Variants in ZMIZ1 observed in about 807,000 individuals in gnomAD.
ZMIZ1 encodes the protein zinc finger MIZ-type containing 1, also known as zinc finger MIZ domain-containing protein 1.
ZMIZ1 carries 17 observed loss-of-function variants against 113.9 expected under a neutral mutation model. The ratio of observed to expected loss-of-function variants is 0.15; its 90% confidence interval spans 0.10 to 0.22. ZMIZ1 has a LOEUF of 0.22. Ranked by LOEUF, ZMIZ1 falls within the 10% of genes least tolerant of loss-of-function variation. The pLI is 1.00. For synonymous variants in ZMIZ1, 607 were observed against 603.1 expected, an observed-to-expected ratio of 1.01 and a Z score of -0.09; for missense variants, 1,059 against 1,477.8, an observed-to-expected ratio of 0.72 and a Z score of 4.65.
chr10:79,070,714 G>C (rs904461454), intron 1 of ZMIZ1, among the ~76,000 whole-genome samples: 12 of 152,034 alleles, frequency 7.9e-5, no homozygotes, highest in African/African-American at 2.9e-4. Context: ...TTGCCTGACC[G>C]GGGAGGCCTG....
Position 79,117,278 on chromosome 10 carries a change from G to A in ZMIZ1, c.-336-1637G>A, listed in dbSNP as rs1005847576. 5.3e-5 allele frequency among the ~76,000 whole-genome samples: 8 copies of A among 152,370 alleles called. No homozygotes were observed. In the East Asian group the frequency reaches 9.6e-4, roughly 18 times the overall value. On this transcript the variant is annotated intron_variant, in intron 1 of 24. Coordinates refer to ENST00000334512, the MANE Select transcript of ZMIZ1 (RefSeq NM_020338.4). ...TCTCAGCAGGTGGAGAACAGACTCC[G>A]CCTCTTGATAGGAGGAACTCCAGAG...
At chr10:79,150,455 C>G (rs767815208) in intron 3 of ZMIZ1, among the ~76,000 whole-genome samples, 14 of 152,390 alleles carry the variant, frequency 9.2e-5, no homozygotes, top group Non-Finnish European at 1.8e-4. Context: ...AATGACTTAT[C>G]TCCTCTCAGA....
intron 8 of ZMIZ1, among the ~76,000 whole-genome samples, chr10:79,280,132 C>T (rs1177520296): frequency 1.3e-5 from 2 of 151,942 alleles, no homozygotes; most frequent in East Asian, 1.9e-4. Context: ...GGACCACAGG[C>T]ATTCACCACC....
intron 1 of ZMIZ1, among the ~76,000 whole-genome samples, chr10:79,079,607 T>C (rs1042520724): frequency 2.6e-5 from 4 of 152,104 alleles, no homozygotes; most frequent in East Asian, 3.9e-4. Flanking sequence ...GTGAAGCGAC[T>C]TGACCAAGGC....
At chr10:79,308,136 G>A (rs1854857326) in intron 23 of ZMIZ1, among the ~76,000 whole-genome samples, 1 of 152,190 alleles carries the variant, frequency 6.6e-6, no homozygotes, top group African/African-American at 2.4e-5. Context: ...TTGTCCACAG[G>A]CCCTCCCTTC....
At chr10:79,308,304 A>G (rs1854871367) in intron 23 of ZMIZ1, among the ~76,000 whole-genome samples, 1 of 152,244 alleles carries the variant, frequency 6.6e-6, no homozygotes, top group Non-Finnish European at 1.5e-5. Flanking sequence ...GCCTTGGGCT[A>G]ATGGAGTAAA....
chr10:79,158,849 C>A (rs989551939), intron 3 of ZMIZ1, among the ~76,000 whole-genome samples: 27 of 152,238 alleles, frequency 1.8e-4, no homozygotes, highest in African/African-American at 6.5e-4. Context: ...TCCAGCTGGA[C>A]ACCTCTGGCA....
intron 7 of ZMIZ1, among the ~76,000 whole-genome samples, chr10:79,259,453 G>A (rs547168860): frequency 1.4e-4 from 22 of 152,230 alleles, no homozygotes; most frequent in African/African-American, 5.1e-4. Flanking sequence ...TCTGTTCCAT[G>A]CAGACTCACC....
At chr10:79,212,332 A>T (rs1424672310) in intron 6 of ZMIZ1, among the ~76,000 whole-genome samples, 2 of 151,142 alleles carry the variant, frequency 1.3e-5, no homozygotes, top group African/African-American at 2.4e-5. Context: ...CAATTTTTAA[A>T]TTTTTTTTTA....
chr10:79,071,943 C>G (rs1241280479), intron 1 of ZMIZ1, among the ~76,000 whole-genome samples: 1 of 111,590 alleles, frequency 9.0e-6, no homozygotes, highest in Non-Finnish European at 1.7e-5. Flanking sequence ...GTTTAGACTT[C>G]TGAGAGTTGG....
chr10:79,169,941 C>A (rs558474554), intron 4 of ZMIZ1, among the ~76,000 whole-genome samples: 5 of 152,350 alleles, frequency 3.3e-5, no homozygotes, highest in African/African-American at 1.2e-4. Context: ...CCAGACACTT[C>A]CCTCTCCAGA....
At chr10:79,139,400 A>G (rs1845163074) in intron 2 of ZMIZ1, among the ~76,000 whole-genome samples, 1 of 152,194 alleles carries the variant, frequency 6.6e-6, no homozygotes, top group African/African-American at 2.4e-5. Flanking sequence ...TGCTTTTCCT[A>G]CTAAGAAGAG....
At chr10:79,168,125 T>G (rs1344886056) in intron 4 of ZMIZ1, among the ~76,000 whole-genome samples, 1 of 152,214 alleles carries the variant, frequency 6.6e-6, no homozygotes, top group Non-Finnish European at 1.5e-5. Flanking sequence ...GCAAGCCCCC[T>G]TCAGCTGCAC....
At chr10:79,123,722 G>C (rs547853674) in intron 2 of ZMIZ1, among the ~76,000 whole-genome samples, 1 of 152,300 alleles carries the variant, frequency 6.6e-6, no homozygotes, top group African/African-American at 2.4e-5. Context: ...AGCCCCTCCA[G>C]CCCCTGGTGT....
In ZMIZ1 at chr10:79,236,566, C is replaced by T. The variant is rs12572173; in HGVS notation, c.280+20292C>T. Among the ~76,000 whole-genome samples, 327 of 152,294 alleles carry T rather than the reference C, an allele frequency of 2.1e-3. 12 individuals are homozygous for T. The East Asian group carries it at 0.058, about 27-fold the overall frequency. Reference sequence around the variant, plus strand: ...TCAATGGGAAGAGATTCATTAGAGACCTGGGTGGCGCGCTCCCCACCACCT... The same window carrying T: ...TCAATGGGAAGAGATTCATTAGAGATCTGGGTGGCGCGCTCCCCACCACCT... On this transcript the variant is annotated intron_variant, in intron 7 of 24. Transcript: ENST00000334512.
At chr10:79,096,464 A>G (rs1406306387) in intron 1 of ZMIZ1, among the ~76,000 whole-genome samples, 1 of 152,176 alleles carries the variant, frequency 6.6e-6, no homozygotes, top group Non-Finnish European at 1.5e-5. Flanking sequence ...GTGAGCCGAG[A>G]TTGCGCCACT....
chr10:79,210,695 G>A (rs542520076), intron 6 of ZMIZ1, among the ~76,000 whole-genome samples: 5 of 152,356 alleles, frequency 3.3e-5, no homozygotes, highest in South Asian at 4.1e-4. Flanking sequence ...GGAAGGAGGT[G>A]TAAAGCAGCT....
intron 3 of ZMIZ1, among the ~76,000 whole-genome samples, chr10:79,145,187 T>C (rs183834622): frequency 6.6e-6 from 1 of 152,196 alleles, no homozygotes; most frequent in African/African-American, 2.4e-5. Flanking sequence ...CTCATGGCCT[T>C]GCCTCTCACT....
At chr10:79,305,737 C>A in intron 21 of ZMIZ1, 136 bp downstream of exon 21, 1 of 913,150 alleles carries the variant, frequency 1.1e-6, no homozygotes, top group South Asian at 1.4e-5. Flanking sequence ...CCCCACCTCT[C>A]TGTCCCTTAC....
Sources: gnomAD v4.1 joint callset for allele counts (sites outside exome capture counted in the v4.1 genomes callset) on GRCh38, gnomAD v4.1.1 for gene constraint, MANE v1.5 for transcripts, NCBI Gene and HGNC (gene_info 2026-07-23, HGNC 2026-07-21) for gene names.